The following ZNF207 variants were observed in gnomAD, a reference collection of about 807,000 sequenced individuals.
ZNF207 encodes BUB3-interacting and GLEBS motif-containing protein ZNF207.
Under a neutral mutation model 60.2 loss-of-function variants are expected in ZNF207, and 24 were observed. That is an observed-to-expected ratio of 0.40 (90% confidence interval 0.29 to 0.56). ZNF207 has a LOEUF of 0.56. ZNF207 is among the 20% of genes least tolerant of loss of function. The pLI is 0.49. For missense variants in ZNF207, 452 were observed against 636.6 expected (o/e 0.71, Z 3.12); for synonymous variants, 236 against 194.7 (o/e 1.21, Z -1.77).
rs1905704963 is a variant in ZNF207 at position 32,377,183 on chromosome 17, A to G, written c.*7424A>G. ...CTTAAGAACCTTAAATATATTGAAAAGTAATGGCATTCTTGCTCATGATTT... is the reference window on the plus strand; with the variant it reads ...CTTAAGAACCTTAAATATATTGAAAGGTAATGGCATTCTTGCTCATGATTT... On this transcript the variant is annotated 3_prime_UTR_variant, in exon 12 of 12. Coordinates refer to ENST00000394670, the MANE Select transcript of ZNF207 (RefSeq NM_001098507.2). 1 of 152,066 alleles carries G rather than the reference A, an allele frequency of 6.6e-6. No homozygotes were observed. Among genetic ancestry groups the G allele is most frequent in the Non-Finnish European group, 1.5e-5 (1 of 67,914 alleles). 9.4% of individuals were successfully genotyped at this position (152,066 alleles called of 1,614,324 possible). A position where few individuals can be genotyped will look rare whatever the true frequency, so the allele number is the denominator to read the frequency against.
chr17:32,362,920 G>A lies in ZNF207; in HGVS notation c.606G>A (p.Met202Ile), dbSNP rs768601366. The change falls in exon 7 of 12, where the codon ATG (methionine) becomes ATA (isoleucine). Residue 202 changes from methionine (M) to isoleucine (I), a missense_variant. By Grantham distance (10) the Met-to-Ile change is conservative. Coordinates refer to ENST00000394670, the MANE Select transcript of ZNF207 (RefSeq NM_001098507.2). ...TQSFCGENIM[M>I]PMGGMMPPGP... ...GAAATTTGCTTTCTAATAGAATGATGCCAATGGGTGGAATGATGCCACCTG... is the reference window on the plus strand; with the variant it reads ...GAAATTTGCTTTCTAATAGAATGATACCAATGGGTGGAATGATGCCACCTG... 5 of 1,613,308 alleles carry A rather than the reference G, an allele frequency of 3.1e-6. No individual in the cohort carries two copies. The South Asian group carries it at 4.4e-5, about 14-fold the overall frequency.
intron 10 of ZNF207, chr17:32,369,091 C>G (rs1017292480): frequency 9.7e-6 from 5 of 516,456 alleles, no homozygotes; most frequent in Non-Finnish European, 1.4e-5. Context: ...GTTAGCCATG[C>G]TTCAAGTTTA....
Position 32,372,380 on chromosome 17 carries a change from C to T in ZNF207, c.*2621C>T, listed in dbSNP as rs1414290741. The T allele has an allele frequency of 6.6e-6, 1 of 152,016 alleles. No homozygotes were observed. The highest frequency in any genetic ancestry group is 1.5e-5 in the Non-Finnish European group (1 of 68,014). The allele number at this position is 152,016 out of a possible 1,614,324, so 9.4% of individuals were successfully genotyped here. A position where few individuals can be genotyped will look rare whatever the true frequency, so the allele number is the denominator to read the frequency against. On this transcript the variant is annotated 3_prime_UTR_variant, in exon 12 of 12. Transcript: ENST00000394670. ...CAAATTCTCAGGAATTTCATGTATA[C>T]GGTTATTGACAAACTGCAATAGGGT...
In ZNF207 at chr17:32,373,349, A is replaced by G; in HGVS notation, c.*3590A>G. 1.5e-6 allele frequency: 1 copy of G among 659,106 alleles called. No individual in the cohort carries two copies. The highest frequency in any genetic ancestry group is 1.8e-5 in the African/African-American group (1 of 54,812). 40.8% of individuals were successfully genotyped at this position (659,106 alleles called of 1,614,324 possible). On this transcript the variant is annotated 3_prime_UTR_variant, in exon 12 of 12. Coordinates refer to ENST00000394670, the MANE Select transcript of ZNF207 (RefSeq NM_001098507.2). The stretch of plus-strand genomic sequence containing the variant: ...AAAAAATTTTAATGCATGTCTTTTA[A>G]ATTAATTGGGAACTGTTTTTCTAAA...
chr17:32,363,924 C>CT (rs1233082713), intron 7 of ZNF207, among the ~76,000 whole-genome samples: 3 of 152,012 alleles, frequency 2.0e-5, no homozygotes, highest in Non-Finnish European at 2.9e-5. Flanking sequence ...TTAACCCATG[C>CT]TTTTTTTGAC....
At chr17:32,351,266 A>C (rs1399447439) in intron 1 of ZNF207, 2 of 199,168 alleles carry the variant, frequency 1.0e-5, no homozygotes, top group Non-Finnish European at 1.9e-5. Context: ...TTGGCAACAT[A>C]AATTCATACG....
intron 1 of ZNF207, chr17:32,351,370 C>A: frequency 1.0e-6 from 1 of 972,846 alleles, no homozygotes; most frequent in Non-Finnish European, 1.3e-6. Flanking sequence ...TGCTAAATTC[C>A]TAATCCAGTT....
intron 3 of ZNF207, 97 bp downstream of exon 3, chr17:32,358,738 C>T: frequency 1.0e-6 from 1 of 959,132 alleles, no homozygotes; most frequent in Non-Finnish European, 1.4e-6. Context: ...GGCTGGAGTA[C>T]AGTGGTGTGA....
Position 32,360,828 on chromosome 17 carries a change from A to G in ZNF207, c.475+63A>G. The G allele has an allele frequency of 3.7e-6, 6 of 1,612,306 alleles. No individual in the cohort carries two copies. The South Asian group carries it at 6.6e-5, about 18-fold the overall frequency. ...GACATTATTGATATTGTATCGAAGT[A>G]TTACTTTCTTCCCTCTAACTCTTTA... is the stretch of plus-strand genomic sequence containing the variant. On this transcript the variant is annotated intron_variant, in intron 4 of 11. Transcript: ENST00000394670.
chr17:32,351,664 CAG>C, intron 1 of ZNF207, 120 bp from the exon 2 acceptor site: 1 of 1,588,044 alleles, frequency 6.3e-7, no homozygotes, highest in Non-Finnish European at 8.6e-7. Flanking sequence ...ATATAAAAAG[CAG>C]AGTTTCTATA....
intron 2 of ZNF207, among the ~76,000 whole-genome samples, chr17:32,357,098 C>T (rs532922961): frequency 1.1e-4 from 17 of 151,488 alleles, no homozygotes; most frequent in Non-Finnish European, 4.4e-5. Context: ...GGGAGGGTGG[C>T]TTGAGCTTGG....
At position 32,360,768 on chromosome 17, in the gene ZNF207, A is replaced by G. The variant is rs1381169153; in HGVS notation, c.475+3A>G. 1.2e-6 allele frequency: 2 copies of G among 1,613,756 alleles called. No individual in the cohort carries two copies. The highest frequency in any genetic ancestry group is 2.2e-5 in the East Asian group (1 of 44,896). On this transcript the variant is annotated splice_donor_region_variant and intron_variant, in intron 4 of 11. Transcript: ENST00000394670. ...AGGAGCACCAGGAATGCCTCCAGGTAGCACATAGGATTGCTTAAAATCTAA... is the reference window on the plus strand; with the variant it reads ...AGGAGCACCAGGAATGCCTCCAGGTGGCACATAGGATTGCTTAAAATCTAA...
At chr17:32,366,868 T>A (rs1479316921) in intron 9 of ZNF207, 111 bp downstream of exon 9, 1 of 965,564 alleles carries the variant, frequency 1.0e-6, no homozygotes, top group East Asian at 3.0e-5. Context: ...TTTACTTTTT[T>A]AAAGCAAAAT....
chr17:32,369,978 T>C lies in ZNF207; in HGVS notation c.*219T>C, dbSNP rs1905392181. ...GAAGTTGCAATTTATACTGTATGGC[T>C]TCTTTTTCATGTTTCATCTAGGTTT... On this transcript the variant is annotated 3_prime_UTR_variant, in exon 12 of 12. Transcript: ENST00000394670. 1 of 424,322 alleles carries C rather than the reference T, an allele frequency of 2.4e-6. No homozygotes were observed. Among genetic ancestry groups the C allele is most frequent in the Non-Finnish European group, 3.9e-6 (1 of 259,642 alleles). The allele number at this position is 424,322 out of a possible 1,614,324, so 26.3% of individuals were successfully genotyped here.
intron 5 of ZNF207, chr17:32,361,187 A>G (rs1041334582): frequency 1.0e-5 from 6 of 594,702 alleles, no homozygotes; most frequent in African/African-American, 7.4e-5. Context: ...GTAAGCAACC[A>G]TCTACTTCAA....
chr17:32,364,006 C>T (rs1021387624), intron 7 of ZNF207, among the ~76,000 whole-genome samples: 1 of 149,676 alleles, frequency 6.7e-6, no homozygotes, highest in Admixed American at 6.7e-5. Flanking sequence ...GAAGGGGTGT[C>T]GGTTGTAGTG....
chr17:32,376,105 T>G lies in ZNF207; in HGVS notation c.*6346T>G, dbSNP rs914501129. On this transcript the variant is annotated 3_prime_UTR_variant, in exon 12 of 12. Coordinates refer to ENST00000394670, the MANE Select transcript of ZNF207 (RefSeq NM_001098507.2). ...TGTACATAATGGATATTCATTAATT[T>G]TGTGATTAGTGCTGAGTTTTCTAAA... is the stretch of plus-strand genomic sequence containing the variant. 3.3e-5 allele frequency: 5 copies of G among 152,216 alleles called. No individual in the cohort carries two copies. Among genetic ancestry groups the G allele is most frequent in the South Asian group, 4.1e-4 (2 of 4,828 alleles). The allele number at this position is 152,216 out of a possible 1,614,324, so 9.4% of individuals were successfully genotyped here. A position where few individuals can be genotyped will look rare whatever the true frequency, so the allele number is the denominator to read the frequency against.
Position 32,375,716 on chromosome 17 carries a change from A to G in ZNF207, c.*5957A>G, listed in dbSNP as rs924466454. The G allele has an allele frequency of 2.0e-5, 3 of 152,150 alleles. No homozygotes were observed. The highest frequency in any genetic ancestry group is 7.2e-5 in the African/African-American group (3 of 41,462). 9.4% of individuals were successfully genotyped at this position (152,150 alleles called of 1,614,324 possible). On this transcript the variant is annotated 3_prime_UTR_variant, in exon 12 of 12. Coordinates refer to ENST00000394670, the MANE Select transcript of ZNF207 (RefSeq NM_001098507.2). ...GTAGATACTCTAAAATTATACAGAC[A>G]TGAATGTCTTTTTTAAAAGGTTGTC...
chr17:32,360,833 T>A, intron 4 of ZNF207, 59 bp from the exon 5 acceptor site: 1 of 1,612,558 alleles, frequency 6.2e-7, no homozygotes, highest in South Asian at 1.1e-5. Flanking sequence ...GAAGTATTAC[T>A]TTCTTCCCTC....
Sources: allele counts gnomAD v4.1 joint callset (sites outside exome capture counted in the v4.1 genomes callset), GRCh38; gene constraint gnomAD v4.1.1; transcripts MANE v1.5; gene names NCBI Gene and HGNC (gene_info 2026-07-23, HGNC 2026-07-21).